Variants in NLGN1 observed in about 807,000 individuals in gnomAD.
NLGN1 encodes the protein neuroligin-1.
NLGN1 carries 12 observed loss-of-function variants against 65.5 expected under a neutral mutation model. That is an observed-to-expected ratio of 0.18 (90% CI 0.12 to 0.30). The LOEUF (loss-of-function observed/expected upper bound fraction) is 0.30, where lower values mean the gene tolerates loss of function less well. Among genes scored for constraint, NLGN1 ranks in the 10% least tolerant of loss-of-function variants. The pLI is 1.00. For missense variants in NLGN1, 750 were observed against 1,007.1 expected, an observed-to-expected ratio of 0.74 and a Z score of 3.46; for synonymous variants, 350 against 359.5, an observed-to-expected ratio of 0.97 and a Z score of 0.30.
intron 4 of NLGN1, among the ~76,000 whole-genome samples, chr3:174,172,881 G>A (rs921689998): frequency 1.3e-5 from 2 of 152,024 alleles, no homozygotes; most frequent in Non-Finnish European, 2.9e-5. Context: ...GATAGGGATT[G>A]CATTAAATCC....
intron 3 of NLGN1, among the ~76,000 whole-genome samples, chr3:173,649,395 T>A (rs916444759): frequency 1.6e-4 from 25 of 152,280 alleles, no homozygotes; most frequent in African/African-American, 6.0e-4. Flanking sequence ...TCTATGTAAC[T>A]ATTACATATA....
At chr3:173,905,729 T>A (rs1374500818) in intron 4 of NLGN1, among the ~76,000 whole-genome samples, 1 of 152,218 alleles carries the variant, frequency 6.6e-6, no homozygotes, top group Non-Finnish European at 1.5e-5. Flanking sequence ...GCACTTTCCC[T>A]AGCAGGTTTG....
intron 3 of NLGN1, among the ~76,000 whole-genome samples, chr3:173,745,542 G>A (rs137897251): frequency 1.7e-4 from 26 of 152,000 alleles, no homozygotes; most frequent in African/African-American, 5.5e-4. Context: ...ACAAACACCC[G>A]TGTAGTATCA....
intron 3 of NLGN1, among the ~76,000 whole-genome samples, chr3:173,781,144 CA>C (rs769716428): frequency 2.2e-4 from 18 of 80,368 alleles, no homozygotes; most frequent in East Asian, 5.5e-4. Flanking sequence ...GACTCCGTCT[CA>C]AAAAAAAAAA....
chr3:173,773,330 C>T (rs1578362237), intron 3 of NLGN1, among the ~76,000 whole-genome samples: 1 of 152,234 alleles, frequency 6.6e-6, no homozygotes, highest in East Asian at 1.9e-4. Context: ...CCCCAAAAAA[C>T]ATTTTTTTAT....
At chr3:174,130,369 C>T (rs1305504174) in intron 4 of NLGN1, among the ~76,000 whole-genome samples, 3 of 151,934 alleles carry the variant, frequency 2.0e-5, no homozygotes, top group Admixed American at 1.3e-4. Context: ...AGTGAAATTC[C>T]GTCTCAAAAA....
At chr3:174,044,303 C>A (rs191433150) in intron 4 of NLGN1, among the ~76,000 whole-genome samples, 1 of 152,192 alleles carries the variant, frequency 6.6e-6, no homozygotes, top group East Asian at 1.9e-4. Context: ...TCATTACTTA[C>A]GCAAATTTCT....
intron 2 of NLGN1, among the ~76,000 whole-genome samples, chr3:173,599,876 C>T (rs903421752): frequency 1.3e-5 from 2 of 152,118 alleles, no homozygotes; most frequent in East Asian, 3.9e-4. Context: ...ACCCTATGAG[C>T]ATCTTGCCAG....
At chr3:173,709,253 C>A (rs1768545006) in intron 3 of NLGN1, among the ~76,000 whole-genome samples, 1 of 152,114 alleles carries the variant, frequency 6.6e-6, no homozygotes, top group South Asian at 2.1e-4. Flanking sequence ...TGGAGTTCAG[C>A]CAGACCTAGC....
intron 2 of NLGN1, among the ~76,000 whole-genome samples, chr3:173,477,460 C>G (rs1726421078): frequency 6.6e-6 from 1 of 152,144 alleles, no homozygotes; most frequent in African/African-American, 2.4e-5. Context: ...AAGTTTATCA[C>G]TTGAGCCCAG....
chr3:173,939,529 T>C (rs773969707), intron 4 of NLGN1, among the ~76,000 whole-genome samples: 16 of 152,304 alleles, frequency 1.1e-4, no homozygotes, highest in Admixed American at 3.3e-4. Context: ...ATGATCTTCC[T>C]GAGAGGAAAC....
At position 173,628,537 on chromosome 3, in the gene NLGN1, AC is replaced by A. The variant is rs1351063368; in HGVS notation, c.493+23447del. On this transcript the variant is annotated intron_variant, in intron 3 of 6. Transcript: ENST00000457714. ...CATATATATTAAATCAATATGTTAA[AC>A]ATTGTTAGTTACTGTCTAATAAAAC... Among the ~76,000 whole-genome samples, 14 of 152,242 alleles carry A rather than the reference AC, an allele frequency of 9.2e-5. No homozygotes were observed. In the East Asian group the frequency reaches 2.5e-3, roughly 27 times the overall value.
intron 2 of NLGN1, among the ~76,000 whole-genome samples, chr3:173,495,802 C>A (rs1270196279): frequency 6.6e-6 from 1 of 151,438 alleles, no homozygotes; most frequent in East Asian, 1.9e-4. Flanking sequence ...CTCTTGTACC[C>A]CATACCAGTA....
chr3:173,781,265 A>C (rs1781113679), intron 3 of NLGN1, among the ~76,000 whole-genome samples: 1 of 152,074 alleles, frequency 6.6e-6, no homozygotes, highest in Non-Finnish European at 1.5e-5. Flanking sequence ...AGTTTATTGG[A>C]TATCCTTCCA....
intron 1 of NLGN1, among the ~76,000 whole-genome samples, chr3:173,406,648 A>G (rs142495208): frequency 5.5e-4 from 83 of 151,710 alleles, no homozygotes; most frequent in African/African-American, 1.9e-3. Context: ...AGATGCTACT[A>G]TTTGTGGATA....
intron 4 of NLGN1, among the ~76,000 whole-genome samples, chr3:173,831,008 A>C (rs1252022676): frequency 6.6e-6 from 1 of 152,228 alleles, no homozygotes; most frequent in Non-Finnish European, 1.5e-5. Context: ...TTCAGATTTC[A>C]TCTAGTTATA....
chr3:173,876,651 T>C (rs1489252572), intron 4 of NLGN1, among the ~76,000 whole-genome samples: 1 of 151,952 alleles, frequency 6.6e-6, no homozygotes. Context: ...AAAAATGTGC[T>C]AAAAGAGAAA....
At chr3:174,231,356 C>T (rs564103821) in intron 4 of NLGN1, among the ~76,000 whole-genome samples, 1 of 152,148 alleles carries the variant, frequency 6.6e-6, no homozygotes, top group Admixed American at 6.5e-5. Flanking sequence ...GAATTGGAAG[C>T]GAGGTACAGA....
chr3:174,167,010 CTT>C lies in NLGN1; in HGVS notation c.647-108300_647-108299del, dbSNP rs368420782. On this transcript the variant is annotated intron_variant, in intron 4 of 6. Coordinates refer to ENST00000457714, the Ensembl canonical transcript of NLGN1. ...TGATATAAGAATTGCAACCCCTACT[CTT>C]TTTTGTTTTCCTTTTACATAATAAA... 6.9e-4 allele frequency among the ~76,000 whole-genome samples: 105 copies of C among 152,046 alleles called. No individual in the cohort carries two copies. In the East Asian group the frequency reaches 0.019, roughly 27 times the overall value.
Sources: gnomAD v4.1 joint callset for allele counts (sites outside exome capture counted in the v4.1 genomes callset) on GRCh38, gnomAD v4.1.1 for gene constraint, MANE v1.5 for transcripts, NCBI Gene and HGNC (gene_info 2026-07-23, HGNC 2026-07-21) for gene names.